SSBP2: variants seen among roughly 807,000 people sequenced by gnomAD.
SSBP2 encodes single-stranded DNA-binding protein 2.
A neutral mutation model predicts 61.8 loss-of-function variants in SSBP2; 17 were observed. The ratio of observed to expected loss-of-function variants is 0.28; its 90% confidence interval spans 0.19 to 0.41. The LOEUF is 0.41. SSBP2 is among the 10% of genes least tolerant of loss of function. The pLI, the probability that SSBP2 is intolerant of heterozygous loss-of-function variation, is 1.00. For missense variants in SSBP2, 310 were observed against 458.7 expected, an observed-to-expected ratio of 0.68 and a Z score of 2.96; for synonymous variants, 139 against 141.3, an observed-to-expected ratio of 0.98 and a Z score of 0.12.
At chr5:81,561,204 A>T (rs1045858021) in intron 4 of SSBP2, among the ~76,000 whole-genome samples, 2 of 152,208 alleles carry the variant, frequency 1.3e-5, no homozygotes, top group African/African-American at 4.8e-5. Context: ...TATTATGGGA[A>T]CATCCTATGA....
At chr5:81,491,651 T>C (rs990312716) in intron 5 of SSBP2, among the ~76,000 whole-genome samples, 3 of 152,158 alleles carry the variant, frequency 2.0e-5, no homozygotes, top group African/African-American at 2.4e-5. Flanking sequence ...ATTCTGTTTT[T>C]AGTCAATTTA....
chr5:81,440,936 A>C (rs1001250870), intron 13 of SSBP2, among the ~76,000 whole-genome samples: 2 of 152,238 alleles, frequency 1.3e-5, no homozygotes, highest in African/African-American at 4.8e-5. Context: ...ATTAGAAGAT[A>C]AGCATTTTCC....
At chr5:81,721,512 A>G (rs1452049702) in intron 1 of SSBP2, among the ~76,000 whole-genome samples, 1 of 152,128 alleles carries the variant, frequency 6.6e-6, no homozygotes, top group Non-Finnish European at 1.5e-5. Context: ...TACACAAACC[A>G]AAGAGTTTTA....
At chr5:81,741,500 T>C (rs1757023279) in intron 1 of SSBP2, among the ~76,000 whole-genome samples, 3 of 152,174 alleles carry the variant, frequency 2.0e-5, no homozygotes, top group Non-Finnish European at 4.4e-5. Context: ...GTTATATATA[T>C]ATTACCACAT....
intron 4 of SSBP2, among the ~76,000 whole-genome samples, chr5:81,527,409 GT>G (rs1441744148): frequency 6.6e-6 from 1 of 151,904 alleles, no homozygotes; most frequent in African/African-American, 2.4e-5. Context: ...TCAAAAGGGG[GT>G]TAGGAAGCAG....
intron 4 of SSBP2, among the ~76,000 whole-genome samples, chr5:81,577,575 T>C (rs1292857285): frequency 1.3e-5 from 2 of 151,978 alleles, no homozygotes; most frequent in Non-Finnish European, 2.9e-5. Context: ...CAACTAAGAA[T>C]GAATGTAGGA....
chr5:81,515,092 G>C (rs548421295), intron 4 of SSBP2, among the ~76,000 whole-genome samples: 2 of 151,912 alleles, frequency 1.3e-5, no homozygotes, highest in African/African-American at 4.8e-5. Flanking sequence ...CAACATTCAT[G>C]TTTTAAAAAA....
Position 81,448,838 on chromosome 5 carries a change from T to C in SSBP2, c.688-13A>G, listed in dbSNP as rs200140628. On this transcript the variant is annotated splice_polypyrimidine_tract_variant and intron_variant, in intron 10 of 16. Coordinates refer to ENST00000320672, the MANE Select transcript of SSBP2 (RefSeq NM_012446.5). Reference sequence around the variant, plus strand: ...AGGAGTATGGTATCTGGAACACGAATAGGACAAAAAAATTTTTGATTCATG... The same window carrying C: ...AGGAGTATGGTATCTGGAACACGAACAGGACAAAAAAATTTTTGATTCATG... The C allele has an allele frequency of 3.3e-4, 529 of 1,610,238 alleles. 3 individuals carry two copies. The South Asian group carries it at 4.3e-3, about 13-fold the overall frequency.
At chr5:81,572,775 T>C (rs1185378855) in intron 4 of SSBP2, among the ~76,000 whole-genome samples, 1 of 152,192 alleles carries the variant, frequency 6.6e-6, no homozygotes, top group Non-Finnish European at 1.5e-5. Flanking sequence ...TTTCTGATGA[T>C]AAATGTGTTC....
At chr5:81,744,096 G>T (rs1472395844) in intron 1 of SSBP2, among the ~76,000 whole-genome samples, 1 of 152,174 alleles carries the variant, frequency 6.6e-6, no homozygotes, top group Non-Finnish European at 1.5e-5. Flanking sequence ...GATTTGAGGG[G>T]ATTAAATGAG....
intron 1 of SSBP2, among the ~76,000 whole-genome samples, chr5:81,709,935 CAGG>C (rs1754655442): frequency 6.6e-6 from 1 of 151,892 alleles, no homozygotes; most frequent in Non-Finnish European, 1.5e-5. Flanking sequence ...AGAAGCATAT[CAGG>C]AGAAGAAAAA....
intron 2 of SSBP2, among the ~76,000 whole-genome samples, chr5:81,648,462 T>G (rs1222693798): frequency 2.0e-5 from 3 of 152,098 alleles, no homozygotes; most frequent in Non-Finnish European, 4.4e-5. Context: ...TACTAGTTAA[T>G]TAGAAATAAG....
Position 81,593,678 on chromosome 5 carries a change from A to G in SSBP2, c.282+21795T>C, listed in dbSNP as rs547603185. Among the ~76,000 whole-genome samples the G allele has an allele frequency of 3.3e-5, 5 of 152,278 alleles. No homozygotes were observed. In the South Asian group the frequency reaches 1.0e-3, roughly 32 times the overall value. ...CTCTACAAGCCAGAAGAGAGTGGGG[A>G]CCAATACTCAACATTCTTAAAGAAA... On this transcript the variant is annotated intron_variant, in intron 4 of 16. Transcript: ENST00000320672.
chr5:81,452,671 G>T (rs969456598), intron 10 of SSBP2, among the ~76,000 whole-genome samples: 6 of 152,192 alleles, frequency 3.9e-5, no homozygotes, highest in African/African-American at 1.4e-4. Context: ...TTTCAACGTG[G>T]TGACTGGGTA....
chr5:81,743,709 T>C (rs1253395992), intron 1 of SSBP2, among the ~76,000 whole-genome samples: 1 of 152,202 alleles, frequency 6.6e-6, no homozygotes, highest in Non-Finnish European at 1.5e-5. Context: ...AGAAGATGTC[T>C]CCTAAGCAAC....
At chr5:81,537,758 T>C (rs772847831) in intron 4 of SSBP2, among the ~76,000 whole-genome samples, 7 of 152,094 alleles carry the variant, frequency 4.6e-5, no homozygotes, top group Non-Finnish European at 1.0e-4. Flanking sequence ...AATCCATAGA[T>C]GGGTGTGTTC....
At chr5:81,511,729 T>C (rs1431485431) in intron 5 of SSBP2, among the ~76,000 whole-genome samples, 1 of 152,188 alleles carries the variant, frequency 6.6e-6, no homozygotes, top group Non-Finnish European at 1.5e-5. Flanking sequence ...TTACAACACA[T>C]ATTTCACTGT....
intron 5 of SSBP2, among the ~76,000 whole-genome samples, chr5:81,505,511 G>T (rs1467024455): frequency 6.6e-6 from 1 of 151,866 alleles, no homozygotes; most frequent in Non-Finnish European, 1.5e-5. Flanking sequence ...TTTTGTTTCT[G>T]TAACCAACAC....
chr5:81,588,540 C>A (rs1166030827), intron 4 of SSBP2, among the ~76,000 whole-genome samples: 2 of 151,416 alleles, frequency 1.3e-5, no homozygotes, highest in Non-Finnish European at 2.9e-5. Flanking sequence ...TTTCTATTTC[C>A]CATATATATA....
Sources: gnomAD v4.1 joint callset for allele counts (sites outside exome capture counted in the v4.1 genomes callset) on GRCh38, gnomAD v4.1.1 for gene constraint, MANE v1.5 for transcripts, NCBI Gene and HGNC (gene_info 2026-07-23, HGNC 2026-07-21) for gene names.